The following CHD3 variants were observed in gnomAD, a reference collection of about 807,000 sequenced individuals.
CHD3 encodes the protein ATP-dependent chromatin remodeler CHD3.
CHD3 carries 52 observed loss-of-function variants against 248.9 expected under a neutral mutation model. That is an observed-to-expected ratio of 0.21 (90% CI 0.17 to 0.26). The LOEUF is 0.26. Among genes scored for constraint, CHD3 ranks in the 10% least tolerant of loss-of-function variants. The pLI is 1.00. For synonymous variants in CHD3, 985 were observed against 985.2 expected (o/e 1.00, Z 0.00); for missense variants, 1,482 against 2,605.8 (o/e 0.57, Z 9.39).
intron 4 of CHD3, among the ~76,000 whole-genome samples, chr17:7,891,339 CAG>C (rs1968827499): frequency 6.6e-6 from 1 of 152,138 alleles, no homozygotes; most frequent in African/African-American, 2.4e-5. Flanking sequence ...AAAGTGAGGA[CAG>C]AATATAGTGA....
chr17:7,894,427 C>T lies in CHD3; in HGVS notation c.1088C>T (p.Pro363Leu). Residue 363 changes from proline to leucine, a missense_variant, in exon 8 of 40, where the codon CCT becomes CTT. Coordinates refer to ENST00000330494, the MANE Select transcript of CHD3 (RefSeq NM_001005273.3). Reference protein sequence around the residue: ...GRKKKKVLGCPAVAGEEEVDG... With the variant: ...GRKKKKVLGCLAVAGEEEVDG... ...GGGTATATGACAGTCCTGGGCTGTC[C>T]TGCAGTGGCCGGGGAGGAGGAGGTT... The T allele has an allele frequency of 6.2e-7, 1 of 1,613,114 alleles. No homozygotes were observed. Among genetic ancestry groups the T allele is most frequent in the Non-Finnish European group, 8.5e-7 (1 of 1,179,352 alleles).
Position 7,894,198 on chromosome 17 carries a change from C to T in CHD3, c.1008C>T (p.Gly336=), listed in dbSNP as rs1328451846. The T allele has an allele frequency of 6.2e-7, 1 of 1,614,088 alleles. No individual in the cohort carries two copies. The highest frequency in any genetic ancestry group is 8.5e-7 in the Non-Finnish European group (1 of 1,180,028). Residue 336 remains glycine, a synonymous_variant, in exon 7 of 40, where the codon GGC becomes GGT. Transcript: ENST00000330494. ...LDSGSVHSAS[G]RPDGPVRTKK... is the part of the protein sequence containing the mutation. The stretch of plus-strand genomic sequence containing the variant: ...GTGGCAGTGTCCACAGTGCCTCAGG[C>T]CGGCCTGATGGCCCTGTCCGCACCA...
chr17:7,895,197 C>T lies in CHD3; in HGVS notation c.1503+47C>T. 1.3e-6 allele frequency: 2 copies of T among 1,595,340 alleles called. No homozygotes were observed. Among genetic ancestry groups the T allele is most frequent in the Non-Finnish European group, 8.6e-7 (1 of 1,168,278 alleles). On this transcript the variant is annotated intron_variant, in intron 9 of 39. Coordinates refer to ENST00000330494, the MANE Select transcript of CHD3 (RefSeq NM_001005273.3). The surrounding 1 kb of genome is among the most constrained non-coding windows in gnomAD (Gnocchi z 4.9). ...CTGTATTTACTGTCAGGCCTGATCC[C>T]TTCCCCCATCCCTGGGGCCCACATG...
upstream of CHD3, among the ~76,000 whole-genome samples, chr17:7,886,427 C>A (rs567051840): frequency 1.3e-5 from 2 of 152,336 alleles, no homozygotes; most frequent in South Asian, 2.1e-4. The surrounding 1 kb of genome is among the most constrained non-coding windows in gnomAD (Gnocchi z 4.2). Context: ...ACAAATGCAC[C>A]AAACTTCAAA....
chr17:7,885,658 G>T (rs1323842819), upstream of CHD3, among the ~76,000 whole-genome samples: 3 of 152,080 alleles, frequency 2.0e-5, no homozygotes, highest in Admixed American at 6.5e-5. Context: ...CAGCCGACGG[G>T]CCTGCCCCCT....
At position 7,888,851 on chromosome 17, in the gene CHD3, A is replaced by G. The variant is rs1597911939; in HGVS notation, c.-150A>G. 6.8e-7 allele frequency: 1 copy of G among 1,462,898 alleles called. No homozygotes were observed. The highest frequency in any genetic ancestry group is 9.0e-7 in the Non-Finnish European group (1 of 1,111,600). 90.6% of individuals were successfully genotyped at this position (1,462,898 alleles called of 1,614,324 possible). On this transcript the variant is annotated 5_prime_UTR_variant, in exon 1 of 40. Coordinates refer to ENST00000330494, the MANE Select transcript of CHD3 (RefSeq NM_001005273.3). ...AATGGGTCAGGATATCTGGAACAAA[A>G]TATGGAGGTGAAGGGTGAGATCGGG... is the stretch of plus-strand genomic sequence containing the variant.
rs1969572780 is a variant in CHD3 at position 7,895,907 on chromosome 17, A to T, written c.1707+365A>T. Among the ~76,000 whole-genome samples, 1 of 152,032 alleles carries T rather than the reference A, an allele frequency of 6.6e-6. No homozygotes were observed. Among genetic ancestry groups the T allele is most frequent in the African/African-American group, 2.4e-5 (1 of 41,414 alleles). On this transcript the variant is annotated intron_variant, in intron 10 of 39. Coordinates refer to ENST00000330494, the MANE Select transcript of CHD3 (RefSeq NM_001005273.3). This position sits in a 1 kb window ranked among gnomAD's most constrained non-coding sequence, Gnocchi z 4.9. ...ATTGCTTGAGACCAGCCTGGGCAACATAGTGAAACCCCATCTCTGTTTAAA... is the reference window on the plus strand; with the variant it reads ...ATTGCTTGAGACCAGCCTGGGCAACTTAGTGAAACCCCATCTCTGTTTAAA...
Position 7,909,071 on chromosome 17 carries a change from A to G in CHD3, c.5395-72A>G. 6.5e-7 allele frequency: 1 copy of G among 1,536,818 alleles called. No homozygotes were observed. The highest frequency in any genetic ancestry group is 8.8e-7 in the Non-Finnish European group (1 of 1,137,532). On this transcript the variant is annotated intron_variant, in intron 36 of 39. Transcript: ENST00000330494. The surrounding 1 kb of genome is among the most constrained non-coding windows in gnomAD (Gnocchi z 8.1). The stretch of plus-strand genomic sequence containing the variant: ...GTGAGGGCAGGGTGGGTCTCTTGCT[A>G]TGTCCGCCCCCCCAGCCCCTCACCC...
chr17:7,885,337 G>GCCACCC (rs1555603873), upstream of CHD3: 1 of 180,740 alleles, frequency 5.5e-6, no homozygotes, highest in Non-Finnish European at 1.0e-5. Context: ...CGCCGCCGCC[G>GCCACCC]CCGCCGCCAC....
chr17:7,898,284 A>T (rs1969920958), intron 12 of CHD3, among the ~76,000 whole-genome samples, 182 bp downstream of exon 12: 1 of 152,200 alleles, frequency 6.6e-6, no homozygotes, highest in African/African-American at 2.4e-5. Context: ...CAGAAACAAG[A>T]TCTGGCTGAG....
rs1158956018 is a variant in CHD3 at position 7,907,380 on chromosome 17, C to T, written c.4816C>T (p.Leu1606Phe). The T allele has an allele frequency of 1.2e-6, 2 of 1,607,880 alleles. No individual in the cohort carries two copies. Among genetic ancestry groups the T allele is most frequent in the Non-Finnish European group, 1.7e-6 (2 of 1,176,846 alleles). The change falls in exon 32 of 40, where the codon CTT becomes TTT. Residue 1606 changes from leucine to phenylalanine, a missense_variant. Physicochemically the swap from Leu to Phe is conservative, Grantham distance 22. Around this residue, in one of 20 missense-constraint regions of CHD3, gnomAD observed 254 missense variants for 266.7 expected, o/e 0.95. Coordinates refer to ENST00000330494, the MANE Select transcript of CHD3 (RefSeq NM_001005273.3). The surrounding 1 kb of genome is among the most constrained non-coding windows in gnomAD (Gnocchi z 4.3). The stretch of plus-strand genomic sequence containing the variant: ...TGATGCCCCCAGCCCAGCCCCATCA[C>T]TTGGGGAGCGGCTGGAGCCAAGGAA... Reference protein sequence around the residue: ...EADAPSPAPSLGERLEPRKIP... With the variant: ...EADAPSPAPSFGERLEPRKIP...
Position 7,911,745 on chromosome 17 carries a change from G to A in CHD3, c.*160G>A. 1 of 1,532,020 alleles carries A rather than the reference G, an allele frequency of 6.5e-7. No homozygotes were observed. The highest frequency in any genetic ancestry group is 8.8e-7 in the Non-Finnish European group (1 of 1,135,170). 94.9% of individuals were successfully genotyped at this position (1,532,020 alleles called of 1,614,324 possible). ...TCTCTGCAGCTCCTCTCTTCAAGAA[G>A]GGCCCTTTGTCTTTCTCCACTCCCA... On this transcript the variant is annotated 3_prime_UTR_variant, in exon 40 of 40. Coordinates refer to ENST00000330494, the MANE Select transcript of CHD3 (RefSeq NM_001005273.3). The surrounding 1 kb of genome is among the most constrained non-coding windows in gnomAD (Gnocchi z 5.4).
upstream of CHD3, among the ~76,000 whole-genome samples, chr17:7,886,015 TG>T (rs34320313): frequency 9.2e-5 from 14 of 151,652 alleles, no homozygotes; most frequent in East Asian, 3.9e-4. This position sits in a 1 kb window ranked among gnomAD's most constrained non-coding sequence, Gnocchi z 4.2. Flanking sequence ...TCAAGTGCGG[TG>T]GGGGGGGTCC....
rs112421907 is a variant in CHD3, at chr17:7,908,558, C to CAA, written c.5261+59_5261+60dup. On this transcript the variant is annotated intron_variant, in intron 35 of 39. Transcript: ENST00000330494. This position sits in a 1 kb window ranked among gnomAD's most constrained non-coding sequence, Gnocchi z 5.8. ...GAAGGAAAAGGTTCTCTCAAGCTGG[C>CAA]AAAAAAAAAAAAGATGATTTCACAC... 831 of 1,290,986 alleles carry CAA rather than the reference C, an allele frequency of 6.4e-4. No homozygotes were observed. Among genetic ancestry groups the CAA allele is most frequent in the Non-Finnish European group, 7.8e-4 (726 of 934,144 alleles). The allele number at this position is 1,290,986 out of a possible 1,614,324, so 80.0% of individuals were successfully genotyped here. A position where few individuals can be genotyped will look rare whatever the true frequency, so the allele number is the denominator to read the frequency against.
At position 7,909,045 on chromosome 17, in the gene CHD3, A is replaced by G. The variant is rs1457050206; in HGVS notation, c.5395-98A>G. 1 of 1,489,446 alleles carries G rather than the reference A, an allele frequency of 6.7e-7. No individual in the cohort carries two copies. The highest frequency in any genetic ancestry group is 9.1e-7 in the Non-Finnish European group (1 of 1,100,012). 92.3% of individuals were successfully genotyped at this position (1,489,446 alleles called of 1,614,324 possible). A position where few individuals can be genotyped will look rare whatever the true frequency, so the allele number is the denominator to read the frequency against. On this transcript the variant is annotated intron_variant, in intron 36 of 39. Transcript: ENST00000330494. This position sits in a 1 kb window ranked among gnomAD's most constrained non-coding sequence, Gnocchi z 8.1. ...GGAGCTGGGAGTGCCCTGGGCCAGC[A>G]GTGAGGGCAGGGTGGGTCTCTTGCT... is the stretch of plus-strand genomic sequence containing the variant.
rs1409565931 is a variant in CHD3, at chr17:7,911,916, T to TG, written c.*333dup. Reference sequence around the variant, plus strand: ...TAAATGGTTGTGGGGAGGAAAGAGGTGGAGCCTCCCCAGCCGTTTCCCTGC... The same window carrying TG: ...TAAATGGTTGTGGGGAGGAAAGAGGTGGGAGCCTCCCCAGCCGTTTCCCTGC... On this transcript the variant is annotated 3_prime_UTR_variant, in exon 40 of 40. Transcript: ENST00000330494. The surrounding 1 kb of genome is among the most constrained non-coding windows in gnomAD (Gnocchi z 5.4). 9.4e-6 allele frequency: 4 copies of TG among 425,230 alleles called. No individual in the cohort carries two copies. Among genetic ancestry groups the TG allele is most frequent in the Non-Finnish European group, 1.7e-5 (4 of 239,618 alleles). The allele number at this position is 425,230 out of a possible 1,614,324, so 26.3% of individuals were successfully genotyped here.
chr17:7,902,282 C>T (rs1000296627), intron 20 of CHD3, among the ~76,000 whole-genome samples: 2 of 151,936 alleles, frequency 1.3e-5, no homozygotes, highest in Non-Finnish European at 2.9e-5. Flanking sequence ...ATTAGCTGGG[C>T]GTGGTGGCGC....
At chr17:7,885,591 C>T (rs1967776759), upstream of CHD3, among the ~76,000 whole-genome samples, 1 of 151,688 alleles carries the variant, frequency 6.6e-6, no homozygotes, top group Admixed American at 6.6e-5. Context: ...GAGCGCCCCT[C>T]GGGCTCTGGC....
intron 6 of CHD3, 27 bp downstream of exon 6, chr17:7,893,962 A>G (rs200857173): frequency 6.2e-7 from 1 of 1,613,052 alleles, no homozygotes; most frequent in East Asian, 2.2e-5. Context: ...TGTCTACTAA[A>G]CACCTGGGGG....
Sources: gnomAD v4.1 joint callset for allele counts (sites outside exome capture counted in the v4.1 genomes callset) on GRCh38, gnomAD v4.1.1 for gene constraint, gnomAD v4.1.1 regional missense constraint, Gnocchi (gnomAD v3.1) non-coding constraint, MANE v1.5 for transcripts, NCBI Gene and HGNC (gene_info 2026-07-23, HGNC 2026-07-21) for gene names.